The following ARMC9 variants were observed in gnomAD, a reference collection of about 807,000 sequenced individuals.
ARMC9 encodes armadillo repeat containing 9.
In ARMC9, 94 loss-of-function variants were observed where a neutral mutation model predicts 107.0. That is an observed-to-expected ratio of 0.88 (90% CI 0.74 to 1.04). ARMC9 has a LOEUF of 1.04. ARMC9 is among the 50% of genes least tolerant of loss of function. ARMC9 has a pLI of 0.00. For synonymous variants in ARMC9, 380 were observed against 396.9 expected (o/e 0.96, Z 0.51); for missense variants, 942 against 1,030.1 (o/e 0.91, Z 1.17).
At chr2:231,208,945 A>G (rs2032419899) in intron 3 of ARMC9, among the ~76,000 whole-genome samples, 1 of 152,054 alleles carries the variant, frequency 6.6e-6, no homozygotes, top group South Asian at 2.1e-4. Flanking sequence ...TCTGTCGCCC[A>G]GGCTGGAGTG....
Position 231,372,928 on chromosome 2 carries a change from G to A in ARMC9, c.*1393G>A, listed in dbSNP as rs1042065629. 5 of 152,194 alleles carry A rather than the reference G, an allele frequency of 3.3e-5. No individual in the cohort carries two copies. The highest frequency in any genetic ancestry group is 1.3e-4 in the Admixed American group (2 of 15,276). 9.4% of individuals were successfully genotyped at this position (152,194 alleles called of 1,614,324 possible). A position where few individuals can be genotyped will look rare whatever the true frequency, so the allele number is the denominator to read the frequency against. On this transcript the variant is annotated 3_prime_UTR_variant, in exon 25 of 25. Transcript: ENST00000611582. ...TGACTCCTCAGGAGCGCAGGCAGAGGAGGTAAACAGGAGGCCAGGTTACCC... is the reference window on the plus strand; with the variant it reads ...TGACTCCTCAGGAGCGCAGGCAGAGAAGGTAAACAGGAGGCCAGGTTACCC...
At chr2:231,369,482 G>A (rs189345212) in intron 23 of ARMC9, among the ~76,000 whole-genome samples, 13 of 151,744 alleles carry the variant, frequency 8.6e-5, no homozygotes, top group African/African-American at 3.1e-4. Context: ...TAGTAGAGAC[G>A]GGGGTCTCAC....
At chr2:231,332,024 C>T (rs1424499980) in intron 20 of ARMC9, 127 bp downstream of exon 20, 6 of 758,950 alleles carry the variant, frequency 7.9e-6, no homozygotes, top group Non-Finnish European at 1.3e-5. Context: ...ATGAGAAGGT[C>T]CATGTTAGCC....
chr2:231,350,358 G>A lies in ARMC9; in HGVS notation c.1994+5268G>A, dbSNP rs78367825. On this transcript the variant is annotated intron_variant, in intron 21 of 24. Coordinates refer to ENST00000611582, the MANE Select transcript of ARMC9 (RefSeq NM_001352754.2). The stretch of plus-strand genomic sequence containing the variant: ...TTGAAAATTAAAACAAAAATATTAC[G>A]GTACTTTGTTAGAACAGCAGTAGAA... Among the ~76,000 whole-genome samples, 1,318 of 152,048 alleles carry A rather than the reference G, an allele frequency of 8.7e-3. 26 individuals carry two copies. The highest frequency in any genetic ancestry group is 0.03 in the African/African-American group (1,260 of 41,488).
chr2:231,293,974 A>G (rs1324495167), intron 18 of ARMC9: 1 of 152,190 alleles, frequency 6.6e-6, no homozygotes, highest in Non-Finnish European at 1.5e-5. Flanking sequence ...AATTGTTGCT[A>G]GTGTATCAGT....
chr2:231,286,053 C>G (rs6728639), intron 17 of ARMC9, among the ~76,000 whole-genome samples: 1 of 152,132 alleles, frequency 6.6e-6, no homozygotes, highest in Non-Finnish European at 1.5e-5. Flanking sequence ...GACATCTGAT[C>G]GTGCACGGTG....
intron 8 of ARMC9, among the ~76,000 whole-genome samples, chr2:231,238,195 T>C (rs542261430): frequency 6.6e-6 from 1 of 151,900 alleles, no homozygotes; most frequent in South Asian, 2.1e-4. Flanking sequence ...GATTGATAGA[T>C]AAGGATCTAG....
intron 20 of ARMC9, among the ~76,000 whole-genome samples, chr2:231,339,135 C>T (rs984958464): frequency 1.3e-5 from 2 of 152,088 alleles, no homozygotes; most frequent in Non-Finnish European, 2.9e-5. Context: ...CAAGACCAGC[C>T]TGGCCAACAT....
intron 1 of ARMC9, among the ~76,000 whole-genome samples, chr2:231,201,993 T>A (rs866764123): frequency 1.4e-5 from 2 of 140,364 alleles, no homozygotes; most frequent in Non-Finnish European, 3.0e-5. Flanking sequence ...ATGACCTTTT[T>A]TCTTTCTTTC....
At position 231,358,847 on chromosome 2, in the gene ARMC9, C is replaced by T. The variant is rs564944493; in HGVS notation, c.2132-1907C>T. 6.6e-6 allele frequency among the ~76,000 whole-genome samples: 1 copy of T among 152,288 alleles called. No individual in the cohort carries two copies. The highest frequency in any genetic ancestry group is 1.9e-4 in the East Asian group (1 of 5,182). On this transcript the variant is annotated intron_variant, in intron 22 of 24. Transcript: ENST00000611582. This position sits in a 1 kb window ranked among gnomAD's most constrained non-coding sequence, Gnocchi z 4.5. ...GGAAAAGGCCAATAATATGGCTTAG[C>T]ATTTTGCAGAACGTTGGCCTAAGGA...
intron 7 of ARMC9, among the ~76,000 whole-genome samples, chr2:231,234,380 G>A (rs560632109): frequency 1.3e-5 from 2 of 152,232 alleles, no homozygotes; most frequent in Non-Finnish European, 2.9e-5. Flanking sequence ...AGGCCTGGTG[G>A]GAGTGGTTTT....
At chr2:231,299,457 A>G (rs78705326) in intron 19 of ARMC9, among the ~76,000 whole-genome samples, 8,152 of 152,236 alleles carry the variant, frequency 0.054, 551 homozygotes, top group South Asian at 0.25. Context: ...AGGCTCCTCA[A>G]GAGAGAGAAG....
chr2:231,223,815 C>T (rs755047764), intron 6 of ARMC9, among the ~76,000 whole-genome samples: 1 of 152,192 alleles, frequency 6.6e-6, no homozygotes. Flanking sequence ...CCTTTATATC[C>T]TTAAGGCTTT....
chr2:231,226,330 G>C (rs964357057), intron 6 of ARMC9, among the ~76,000 whole-genome samples: 4 of 152,248 alleles, frequency 2.6e-5, no homozygotes, highest in African/African-American at 7.2e-5. Flanking sequence ...TCTGGCTCCA[G>C]AGTCTGTGGT....
chr2:231,288,530 T>C (rs755296050), intron 17 of ARMC9: 1 of 427,238 alleles, frequency 2.3e-6, no homozygotes, highest in Non-Finnish European at 4.9e-6. Context: ...GCTGGAACGA[T>C]AGAATGCGCT....
chr2:231,256,232 G>A, intron 9 of ARMC9: 5 of 1,539,934 alleles, frequency 3.2e-6, no homozygotes. Context: ...CATCCGCAAT[G>A]TAAAAGGCCC....
intron 19 of ARMC9, among the ~76,000 whole-genome samples, chr2:231,316,522 C>T (rs923263121): frequency 6.6e-6 from 1 of 151,736 alleles, no homozygotes. Flanking sequence ...ATTAGCCAAG[C>T]GTGGTGGCAC....
At chr2:231,330,008 T>C (rs2043612949) in intron 19 of ARMC9, among the ~76,000 whole-genome samples, 1 of 152,202 alleles carries the variant, frequency 6.6e-6, no homozygotes. Context: ...ATGAGATAAC[T>C]ATCCTTTCTC....
chr2:231,225,468 A>G (rs918685338), intron 6 of ARMC9, among the ~76,000 whole-genome samples: 2 of 152,244 alleles, frequency 1.3e-5, no homozygotes, highest in African/African-American at 2.4e-5. Context: ...TCAAATGTCT[A>G]TCATCTTATG....
Sources: allele counts gnomAD v4.1 joint callset (sites outside exome capture counted in the v4.1 genomes callset), GRCh38; gene constraint gnomAD v4.1.1; non-coding constraint Gnocchi (gnomAD v3.1); transcripts MANE v1.5; gene names NCBI Gene and HGNC (gene_info 2026-07-23, HGNC 2026-07-21).